The following PGR variants were observed in gnomAD, a reference collection of about 807,000 sequenced individuals.
PGR encodes progesterone receptor.
Under a neutral mutation model 76.1 loss-of-function variants are expected in PGR, and 25 were observed. The observed-to-expected ratio is 0.33, with a 90% CI of 0.24 to 0.46. PGR has a LOEUF of 0.46. PGR is among the 20% of genes least tolerant of loss of function. The pLI, the probability that PGR is intolerant of heterozygous loss-of-function variation, is 1.00. For missense variants in PGR, 1,172 were observed against 1,225.3 expected (o/e 0.96, Z 0.65); for synonymous variants, 579 against 535.0 (o/e 1.08, Z -1.14).
chr11:101,086,717 A>G (rs1363649144), intron 3 of PGR, among the ~76,000 whole-genome samples: 1 of 152,238 alleles, frequency 6.6e-6, no homozygotes, highest in Non-Finnish European at 1.5e-5. Flanking sequence ...CCTAAAACTG[A>G]TAAATGACTT....
At chr11:101,123,716 T>C (rs1401991338) in intron 2 of PGR, among the ~76,000 whole-genome samples, 2 of 152,340 alleles carry the variant, frequency 1.3e-5, no homozygotes, top group East Asian at 3.9e-4. Flanking sequence ...TTCAAGAATA[T>C]ACATATTTCA....
intron 2 of PGR, among the ~76,000 whole-genome samples, chr11:101,094,534 G>T (rs530507364): frequency 1.3e-5 from 2 of 152,170 alleles, no homozygotes; most frequent in African/African-American, 2.4e-5. Flanking sequence ...CACTTTGTGG[G>T]TAGTCTGTCT....
chr11:101,061,961 T>A (rs953125309), intron 4 of PGR, among the ~76,000 whole-genome samples: 1 of 152,236 alleles, frequency 6.6e-6, no homozygotes, highest in African/African-American at 2.4e-5. Context: ...TATTATTTTT[T>A]AAAGTAATTT....
intron 3 of PGR, among the ~76,000 whole-genome samples, chr11:101,082,845 G>T (rs548905028): frequency 1.3e-5 from 2 of 152,280 alleles, no homozygotes; most frequent in South Asian, 4.1e-4. Context: ...TTTGTAGCCT[G>T]GCCATGTGGT....
intron 3 of PGR, among the ~76,000 whole-genome samples, chr11:101,089,546 A>T (rs1346335596): frequency 1.3e-5 from 2 of 152,136 alleles, no homozygotes; most frequent in African/African-American, 4.8e-5. Flanking sequence ...ACAGTGTAAG[A>T]TCTATGAGGG....
At chr11:101,103,542 C>T (rs560010273) in intron 2 of PGR, among the ~76,000 whole-genome samples, 4 of 152,172 alleles carry the variant, frequency 2.6e-5, no homozygotes, top group South Asian at 4.2e-4. Context: ...ACAAGTACTT[C>T]GGTAAAGACT....
At position 101,031,590 on chromosome 11, in the gene PGR, C is replaced by CTT. The variant is rs760929776; in HGVS notation, c.*7524_*7525dup. 2.5e-4 allele frequency: 46 copies of CTT among 186,266 alleles called. No individual in the cohort carries two copies. The highest frequency in any genetic ancestry group is 3.4e-4 in the Non-Finnish European group (31 of 92,502). The allele number at this position is 186,266 out of a possible 1,614,324, so 11.5% of individuals were successfully genotyped here. On this transcript the variant is annotated 3_prime_UTR_variant, in exon 8 of 8. Coordinates refer to ENST00000325455, the MANE Select transcript of PGR (RefSeq NM_000926.4). ...TCACAATGTTCTACTGAGAATTTAG[C>CTT]TTTTTTTTTTTTTTTGGAGTGGGTA...
chr11:101,035,447 T>C lies in PGR; in HGVS notation c.*3669A>G, dbSNP rs969451543. Reference sequence around the variant, plus strand: ...AATAAAAGACAGATTAAAGCAGACATAGATTTCTTGTGGGCATTTTATATC... The same window carrying C: ...AATAAAAGACAGATTAAAGCAGACACAGATTTCTTGTGGGCATTTTATATC... On this transcript the variant is annotated 3_prime_UTR_variant, in exon 8 of 8. Transcript: ENST00000325455. 6 of 231,472 alleles carry C rather than the reference T, an allele frequency of 2.6e-5. No individual in the cohort carries two copies. Among genetic ancestry groups the C allele is most frequent in the African/African-American group, 6.6e-5 (3 of 45,264 alleles). The allele number at this position is 231,472 out of a possible 1,614,324, so 14.3% of individuals were successfully genotyped here.
intron 6 of PGR, among the ~76,000 whole-genome samples, chr11:101,047,908 A>G (rs1229877999): frequency 6.6e-6 from 1 of 152,130 alleles, no homozygotes; most frequent in Non-Finnish European, 1.5e-5. Flanking sequence ...TCTGGTGATC[A>G]ATGCAATGCT....
chr11:101,126,425 T>A (rs925085520), intron 1 of PGR, among the ~76,000 whole-genome samples: 1 of 152,170 alleles, frequency 6.6e-6, no homozygotes, highest in Non-Finnish European at 1.5e-5. Context: ...AAAGTTAAAG[T>A]CGGTTAAAAG....
intron 6 of PGR, among the ~76,000 whole-genome samples, chr11:101,046,169 A>G (rs1859872391): frequency 6.6e-6 from 1 of 151,304 alleles, no homozygotes. Context: ...TCAATCACCC[A>G]GGCAGGAGTA....
At chr11:101,064,037 C>T (rs1002316956) in intron 3 of PGR, 1 of 151,962 alleles carries the variant, frequency 6.6e-6, no homozygotes, top group African/African-American at 2.4e-5. Flanking sequence ...TTCTATAAAG[C>T]CCCAAGGAAT....
chr11:101,068,045 AG>A (rs1354422667), intron 3 of PGR, among the ~76,000 whole-genome samples: 13 of 152,182 alleles, frequency 8.5e-5, no homozygotes, highest in Non-Finnish European at 1.8e-4. Context: ...TTTCAAGTGT[AG>A]TGATAATATT....
intron 4 of PGR, among the ~76,000 whole-genome samples, chr11:101,056,035 T>C (rs1385013068): frequency 1.3e-5 from 2 of 152,210 alleles, no homozygotes; most frequent in African/African-American, 4.8e-5. Context: ...TGAACATGCC[T>C]AGTATAGAAA....
rs548978121 is a variant in PGR, at chr11:101,038,899, A to C, written c.*217T>G. The C allele has an allele frequency of 2.2e-6, 1 of 453,520 alleles. No homozygotes were observed. Among genetic ancestry groups the C allele is most frequent in the Non-Finnish European group, 3.9e-6 (1 of 255,380 alleles). 28.1% of individuals were successfully genotyped at this position (453,520 alleles called of 1,614,324 possible). A position where few individuals can be genotyped will look rare whatever the true frequency, so the allele number is the denominator to read the frequency against. On this transcript the variant is annotated 3_prime_UTR_variant, in exon 8 of 8. Coordinates refer to ENST00000325455, the MANE Select transcript of PGR (RefSeq NM_000926.4). ...ACTTTTTCAATCTTGTAAATTCTTC[A>C]AGAAAATATGGGTAAACAAAACAGT...
At chr11:101,084,682 G>T (rs1861432548) in intron 3 of PGR, among the ~76,000 whole-genome samples, 1 of 151,494 alleles carries the variant, frequency 6.6e-6, no homozygotes, top group Non-Finnish European at 1.5e-5. Flanking sequence ...TCACAGAGTG[G>T]CAAACCAGCT....
At chr11:101,064,407 T>C (rs966486609) in intron 3 of PGR, among the ~76,000 whole-genome samples, 2 of 107,140 alleles carry the variant, frequency 1.9e-5, no homozygotes, top group Non-Finnish European at 3.9e-5. Flanking sequence ...TTGTAGGAGA[T>C]GGGAAAACAA....
intron 3 of PGR, among the ~76,000 whole-genome samples, chr11:101,065,008 T>C (rs550422131): frequency 2.4e-4 from 36 of 152,360 alleles, no homozygotes; most frequent in African/African-American, 6.7e-4. Context: ...TGTAGTAGGC[T>C]ATACCATCTA....
intron 6 of PGR, among the ~76,000 whole-genome samples, chr11:101,043,744 A>G (rs994559440): frequency 6.6e-6 from 1 of 152,228 alleles, no homozygotes; most frequent in Non-Finnish European, 1.5e-5. Context: ...GTATATATCC[A>G]TAAGAGCTCT....
Sources: allele counts gnomAD v4.1 joint callset (sites outside exome capture counted in the v4.1 genomes callset), GRCh38; gene constraint gnomAD v4.1.1; transcripts MANE v1.5; gene names NCBI Gene and HGNC (gene_info 2026-07-23, HGNC 2026-07-21).